NINJ2: variants seen among roughly 807,000 people sequenced by gnomAD.
The protein encoded by NINJ2 is ninjurin 2, also known as ninjurin-2.
NINJ2 carries 12 observed loss-of-function variants against 11.7 expected under a neutral mutation model. The observed-to-expected ratio is 1.02, with a 90% confidence interval of 0.66 to 1.66. NINJ2 has a LOEUF of 1.66. Ranked by LOEUF, NINJ2 falls within the 40% of genes most tolerant of loss-of-function variation. The pLI is 0.00. For synonymous variants in NINJ2, 93 were observed against 76.8 expected (o/e 1.21, Z -1.10); for missense variants, 187 against 181.8 (o/e 1.03, Z -0.16).
In NINJ2 at chr12:585,344, G is replaced by A. The variant is rs1363631167; in HGVS notation, c.34-19166C>T. Among the ~76,000 whole-genome samples, 2 of 152,126 alleles carry A rather than the reference G, an allele frequency of 1.3e-5. No homozygotes were observed. The highest frequency in any genetic ancestry group is 4.8e-5 in the African/African-American group (2 of 41,414). ...CCAAGAGGGGTCCATACCAACTTCC[G>A]GAATAAACGAGGCCAAAGGGAAAGA... On this transcript the variant is annotated intron_variant, in intron 1 of 3. Transcript: ENST00000305108. This position sits in a 1 kb window ranked among gnomAD's most constrained non-coding sequence, Gnocchi z 4.1.
chr12:564,863 AC>A (rs1307183724), intron 3 of NINJ2, among the ~76,000 whole-genome samples, 182 bp from the exon 4 acceptor site: 1 of 152,208 alleles, frequency 6.6e-6, no homozygotes, highest in Non-Finnish European at 1.5e-5. Context: ...GATGCTGCTG[AC>A]CCATGGACCA....
chr12:589,953 G>A (rs1958179449), intron 1 of NINJ2, among the ~76,000 whole-genome samples: 1 of 152,182 alleles, frequency 6.6e-6, no homozygotes, highest in African/African-American at 2.4e-5. Flanking sequence ...AGGGGTCCTA[G>A]GGTACAGGTG....
At chr12:652,661 A>T (rs1365255671) in intron 1 of NINJ2, among the ~76,000 whole-genome samples, 1 of 152,134 alleles carries the variant, frequency 6.6e-6, no homozygotes, top group Non-Finnish European at 1.5e-5. Flanking sequence ...CAAATGAAAA[A>T]ATTCAGCCAG....
At chr12:572,904 T>C (rs1425272246) in intron 1 of NINJ2, among the ~76,000 whole-genome samples, 4 of 144,544 alleles carry the variant, frequency 2.8e-5, no homozygotes, top group Non-Finnish European at 4.5e-5. Context: ...TTGCCCAGGC[T>C]GGAGTGCAGT....
intron 1 of NINJ2, among the ~76,000 whole-genome samples, chr12:600,462 G>A (rs187840426): frequency 1.6e-3 from 249 of 152,074 alleles, no homozygotes; most frequent in South Asian, 5.4e-3. Context: ...AGGCTGAGGC[G>A]GGAGAATCAC....
intron 1 of NINJ2, among the ~76,000 whole-genome samples, chr12:652,175 C>T (rs751162637): frequency 3.6e-4 from 54 of 151,792 alleles, no homozygotes; most frequent in Non-Finnish European, 7.4e-4. Flanking sequence ...AAAGAATACA[C>T]AAGAAAAAAA....
chr12:569,685 C>T (rs1197255703), intron 1 of NINJ2, among the ~76,000 whole-genome samples: 3 of 152,200 alleles, frequency 2.0e-5, no homozygotes, highest in Non-Finnish European at 4.4e-5. Flanking sequence ...ACACGGGCAG[C>T]ACGGAGGTCT....
At chr12:621,739 C>A (rs913814666) in intron 1 of NINJ2, among the ~76,000 whole-genome samples, 1 of 151,604 alleles carries the variant, frequency 6.6e-6, no homozygotes, top group Non-Finnish European at 1.5e-5. Context: ...ATCACTTGAA[C>A]CCGGGAGGCA....
chr12:616,917 T>A (rs1336213271), intron 1 of NINJ2, among the ~76,000 whole-genome samples: 1 of 152,070 alleles, frequency 6.6e-6, no homozygotes, highest in Admixed American at 6.5e-5. Flanking sequence ...TTAAAAAAAG[T>A]GTGCTCAGCC....
Position 641,644 on chromosome 12 carries a change from A to G in NINJ2, c.33+21684T>C, listed in dbSNP as rs148919609. On this transcript the variant is annotated intron_variant, in intron 1 of 3. Transcript: ENST00000305108. ...CGGATCACAAGGTCAGGAGATGGAG[A>G]CCATCCTGGCTAACAGGGTGAAACC... 4.0e-3 allele frequency among the ~76,000 whole-genome samples: 612 copies of G among 152,150 alleles called. 29 individuals are homozygous for G. In the East Asian group the frequency reaches 0.1, roughly 25 times the overall value.
intron 1 of NINJ2, among the ~76,000 whole-genome samples, chr12:623,269 C>G (rs1199604386): frequency 1.3e-5 from 2 of 152,182 alleles, no homozygotes; most frequent in African/African-American, 4.8e-5. Flanking sequence ...GGCCTGCAGA[C>G]CTGTGGTCCT....
chr12:606,753 C>G (rs564961907), intron 1 of NINJ2, among the ~76,000 whole-genome samples: 2 of 152,188 alleles, frequency 1.3e-5, no homozygotes, highest in African/African-American at 4.8e-5. Flanking sequence ...CCTTTGCTCA[C>G]TTTCTTAGGG....
chr12:608,488 G>A (rs904990057), intron 1 of NINJ2, among the ~76,000 whole-genome samples: 40 of 152,192 alleles, frequency 2.6e-4, no homozygotes, highest in African/African-American at 9.4e-4. Flanking sequence ...TCATTTTACA[G>A]ATGAGAAAGC....
intron 1 of NINJ2, among the ~76,000 whole-genome samples, chr12:601,694 T>G (rs1947875761): frequency 6.6e-6 from 1 of 151,246 alleles, no homozygotes; most frequent in Admixed American, 6.6e-5. Context: ...CAAAACCCCA[T>G]CTCTACTAAA....
In NINJ2 at chr12:628,529, T is replaced by C. The variant is rs1420600721; in HGVS notation, c.33+34799A>G. On this transcript the variant is annotated intron_variant, in intron 1 of 3. Transcript: ENST00000305108. This position sits in a 1 kb window ranked among gnomAD's most constrained non-coding sequence, Gnocchi z 4.4. ...AAACATAAGCATGGTAATGCATATA[T>C]AATACGTGTCTATGGCAGAGGCATT... 1.3e-5 allele frequency among the ~76,000 whole-genome samples: 2 copies of C among 152,190 alleles called. No homozygotes were observed. The highest frequency in any genetic ancestry group is 2.9e-5 in the Non-Finnish European group (2 of 68,030).
chr12:601,419 G>A (rs1290031209), intron 1 of NINJ2, among the ~76,000 whole-genome samples: 4 of 150,122 alleles, frequency 2.7e-5, no homozygotes, highest in South Asian at 2.1e-4. Flanking sequence ...GTGGTGGCGG[G>A]CGCCTGTAGT....
chr12:616,215 T>A (rs1263478557), intron 1 of NINJ2, among the ~76,000 whole-genome samples: 2 of 152,120 alleles, frequency 1.3e-5, no homozygotes, highest in Non-Finnish European at 2.9e-5. Context: ...GACTTGGACT[T>A]CTCCAAGAAC....
intron 1 of NINJ2, among the ~76,000 whole-genome samples, chr12:649,513 ATG>A (rs1234507114): frequency 8.6e-6 from 1 of 116,298 alleles, no homozygotes; most frequent in Non-Finnish European, 1.8e-5. Flanking sequence ...AACAGTGAAT[ATG>A]TGTGTGTGTA....
chr12:624,065 A>G (rs539588499), intron 1 of NINJ2, among the ~76,000 whole-genome samples: 2 of 151,826 alleles, frequency 1.3e-5, no homozygotes, highest in African/African-American at 4.8e-5. Context: ...AAAACAAAAA[A>G]CAAAGAATGA....
Sources: allele counts gnomAD v4.1 joint callset (sites outside exome capture counted in the v4.1 genomes callset), GRCh38; gene constraint gnomAD v4.1.1; non-coding constraint Gnocchi (gnomAD v3.1); transcripts MANE v1.5; gene names NCBI Gene and HGNC (gene_info 2026-07-23, HGNC 2026-07-21).